PKD1L1: variants seen among roughly 807,000 people sequenced by gnomAD.
PKD1L1 encodes polycystin 1 like 1, transient receptor potential channel interacting, also known as polycystin-1-like protein 1.
Under a neutral mutation model 323.4 loss-of-function variants are expected in PKD1L1, and 236 were observed. The ratio of observed to expected loss-of-function variants is 0.73; its 90% CI spans 0.66 to 0.81. PKD1L1 has a LOEUF of 0.81. Among genes scored for constraint, PKD1L1 ranks in the 40% least tolerant of loss-of-function variants. The pLI, the probability that PKD1L1 is intolerant of heterozygous loss-of-function variation, is 0.00. For synonymous variants in PKD1L1, 1,344 were observed against 1,335.0 expected (o/e 1.01, Z -0.15); for missense variants, 3,320 against 3,508.0 (o/e 0.95, Z 1.35).
chr7:47,882,471 A>G (rs34376116), intron 19 of PKD1L1, among the ~76,000 whole-genome samples: 56,468 of 151,916 alleles, frequency 0.37, 11,654 homozygotes, highest in African/African-American at 0.53. Flanking sequence ...ACATAAATAA[A>G]TAATATAAAC....
intron 22 of PKD1L1, 74 bp from the exon 23 acceptor site, chr7:47,876,291 A>G: frequency 6.6e-7 from 1 of 1,509,772 alleles, no homozygotes; most frequent in Non-Finnish European, 9.1e-7. Context: ...ACATACACAC[A>G]CAGCTGAGCC....
rs1788101287 is a variant in PKD1L1 at position 47,946,532 on chromosome 7, CCAACA to C, written c.44+1860_44+1864del. Among the ~76,000 whole-genome samples, 3 of 151,136 alleles carry C rather than the reference CCAACA, an allele frequency of 2.0e-5. No individual in the cohort carries two copies. Among genetic ancestry groups the C allele is most frequent in the Admixed American group, 6.6e-5 (1 of 15,148 alleles). On this transcript the variant is annotated intron_variant, in intron 1 of 56. Transcript: ENST00000289672. This position sits in a 1 kb window ranked among gnomAD's most constrained non-coding sequence, Gnocchi z 4.1. Reference sequence around the variant, plus strand: ...CATACACACAAACACCACACACACACCAACACATTACACACACATCACACAGCACA... The same window carrying C: ...CATACACACAAACACCACACACACACCATTACACACACATCACACAGCACA...
chr7:47,897,976 C>T lies in PKD1L1; in HGVS notation c.2271+12G>A. The T allele has an allele frequency of 6.3e-7, 1 of 1,591,296 alleles. No individual in the cohort carries two copies. The highest frequency in any genetic ancestry group is 1.1e-5 in the South Asian group (1 of 87,888). On this transcript the variant is annotated intron_variant, in intron 14 of 56. Transcript: ENST00000289672. Reference sequence around the variant, plus strand: ...TCATTGGGCCAGTAGAGCAGTAAGTCAGCCAGCTGACCTTGGCAAGGGCAG... The same window carrying T: ...TCATTGGGCCAGTAGAGCAGTAAGTTAGCCAGCTGACCTTGGCAAGGGCAG...
chr7:47,882,191 G>GT, intron 19 of PKD1L1, 106 bp from the exon 20 acceptor site: 1 of 1,120,560 alleles, frequency 8.9e-7, no homozygotes, highest in Non-Finnish European at 1.3e-6. Context: ...TACTATTGCT[G>GT]GATACCGCCT....
chr7:47,837,392 C>T (rs183044428), intron 36 of PKD1L1, among the ~76,000 whole-genome samples: 45 of 152,300 alleles, frequency 3.0e-4, no homozygotes, highest in African/African-American at 8.4e-4. Context: ...TTCTTGGCAG[C>T]CCCCTTGCTA....
the PKD1L1 span, among the ~76,000 whole-genome samples, chr7:47,958,409 C>T: frequency 1.3e-5 from 2 of 152,060 alleles, no homozygotes; most frequent in Admixed American, 6.5e-5. Flanking sequence ...TGAATTAAAC[C>T]CTTATCTCCC....
intron 34 of PKD1L1, among the ~76,000 whole-genome samples, chr7:47,842,139 G>C (rs1196348126): frequency 6.6e-6 from 1 of 152,204 alleles, no homozygotes; most frequent in Non-Finnish European, 1.5e-5. Flanking sequence ...GTTAGGTTAA[G>C]AACATTCCTA....
chr7:47,925,708 C>T (rs1787644141), intron 7 of PKD1L1, among the ~76,000 whole-genome samples: 1 of 152,138 alleles, frequency 6.6e-6, no homozygotes. Flanking sequence ...AATGACAAAA[C>T]AGACTTTTTG....
At chr7:47,912,772 T>C (rs1412709683) in intron 8 of PKD1L1, among the ~76,000 whole-genome samples, 1 of 127,502 alleles carries the variant, frequency 7.8e-6, no homozygotes. Flanking sequence ...GCCGAGATCA[T>C]GCCACTGTAC....
the PKD1L1 span, among the ~76,000 whole-genome samples, chr7:47,954,247 C>T: frequency 2.7e-4 from 41 of 152,150 alleles, no homozygotes; most frequent in Non-Finnish European, 5.0e-4. Context: ...TGGTTAGCAG[C>T]GTATTTTCAC....
intron 46 of PKD1L1, chr7:47,819,745 A>T: frequency 2.7e-6 from 1 of 367,414 alleles, no homozygotes; most frequent in Non-Finnish European, 5.1e-6. Flanking sequence ...CACAACACTG[A>T]CAAAGGGGAC....
intron 45 of PKD1L1, among the ~76,000 whole-genome samples, chr7:47,825,852 T>C (rs1255519560): frequency 6.6e-6 from 1 of 152,180 alleles, no homozygotes; most frequent in African/African-American, 2.4e-5. Context: ...AAATATGATA[T>C]TGGTTTTTGT....
Position 47,877,579 on chromosome 7 carries a change from C to T in PKD1L1, c.3573G>A (p.Pro1191=), listed in dbSNP as rs201948356. Residue 1191 remains proline (P), a synonymous_variant, in exon 22 of 57, where the codon CCG becomes CCA. Coordinates refer to ENST00000289672, the MANE Select transcript of PKD1L1 (RefSeq NM_138295.5). ...GKAQLYLTVN[P]APRDMACQVQ... is the part of the protein sequence containing the mutation. ...CCTGACAGGCCATGTCCCGAGGAGC[C>T]GGGTTGACTGTCAAGTACAGCTGAG... 3.2e-5 allele frequency: 51 copies of T among 1,614,078 alleles called. No individual in the cohort carries two copies. Among genetic ancestry groups the T allele is most frequent in the South Asian group, 2.4e-4 (22 of 91,080 alleles).
chr7:47,931,143 G>A lies in PKD1L1; in HGVS notation c.698C>T (p.Pro233Leu). Residue 233 changes from proline to leucine, a missense_variant, in exon 6 of 57, where the codon CCC becomes CTC. Transcript: ENST00000289672. ...GGGAAAATGTGAAATCGGCCACAGG[G>A]GCACTCGCTGGGAGCTGGTCTGAGT... The part of the protein sequence containing the change: ...RPTQTSSQRV[P>L]LWPISHFPTS... The A allele has an allele frequency of 2.5e-6, 4 of 1,614,194 alleles. No homozygotes were observed. The highest frequency in any genetic ancestry group is 2.7e-5 in the African/African-American group (2 of 75,050).
intron 52 of PKD1L1, among the ~76,000 whole-genome samples, chr7:47,805,086 T>TAC (rs59085691): frequency 0.028 from 4,216 of 150,140 alleles, 86 homozygotes; most frequent in African/African-American, 0.058. Flanking sequence ...CCTGTACAAA[T>TAC]ACACACACAC....
intron 9 of PKD1L1, among the ~76,000 whole-genome samples, chr7:47,906,193 C>T (rs1017352960): frequency 3.3e-5 from 5 of 152,236 alleles, no homozygotes; most frequent in South Asian, 2.1e-4. Context: ...ATGAGAACTC[C>T]CTGCATGGTA....
chr7:47,816,014 G>C (rs1390051265), intron 46 of PKD1L1, among the ~76,000 whole-genome samples: 2 of 152,168 alleles, frequency 1.3e-5, no homozygotes, highest in East Asian at 1.9e-4. Context: ...GGGACGGCGA[G>C]GGCTTCCGCA....
At chr7:47,829,153 A>G (rs1785291858) in intron 44 of PKD1L1, among the ~76,000 whole-genome samples, 1 of 152,206 alleles carries the variant, frequency 6.6e-6, no homozygotes, top group African/African-American at 2.4e-5. Context: ...AATCATGGCC[A>G]AGAATTAGAG....
At chr7:47,882,520 AAG>A (rs1191478126) in intron 19 of PKD1L1, among the ~76,000 whole-genome samples, 2 of 152,098 alleles carry the variant, frequency 1.3e-5, no homozygotes, top group African/African-American at 2.4e-5. Context: ...TATGCAGAGG[AAG>A]AGAGAGTGGT....
Sources: allele counts gnomAD v4.1 joint callset (sites outside exome capture counted in the v4.1 genomes callset), GRCh38; gene constraint gnomAD v4.1.1; non-coding constraint Gnocchi (gnomAD v3.1); transcripts MANE v1.5; gene names NCBI Gene and HGNC (gene_info 2026-07-23, HGNC 2026-07-21).